The following TMCO6 variants were observed in gnomAD, a reference collection of about 807,000 sequenced individuals.
TMCO6 encodes the protein transmembrane and coiled-coil domains 6.
Under a neutral mutation model 61.8 loss-of-function variants are expected in TMCO6, and 47 were observed. The ratio of observed to expected loss-of-function variants is 0.76; its 90% CI spans 0.60 to 0.97. TMCO6 has a LOEUF of 0.97. Ranked by LOEUF, TMCO6 falls within the 50% of genes least tolerant of loss-of-function variation. TMCO6 has a pLI of 0.00. For synonymous variants in TMCO6, 261 were observed against 254.2 expected (o/e 1.03, Z -0.25); for missense variants, 557 against 601.6 (o/e 0.93, Z 0.78).
chr5:140,634,644 C>T (rs1255052220), upstream of TMCO6, among the ~76,000 whole-genome samples: 1 of 151,940 alleles, frequency 6.6e-6, no homozygotes, highest in Admixed American at 6.6e-5. Flanking sequence ...CACCACCATG[C>T]CCGGCTAATT....
the TMCO6 span, among the ~76,000 whole-genome samples, chr5:140,614,100 C>T: frequency 4.6e-5 from 7 of 152,122 alleles, no homozygotes; most frequent in African/African-American, 1.4e-4. Context: ...AGGGTTTCAC[C>T]GTTTTAGCCA....
chr5:140,646,933 T>G (rs950955194), downstream of TMCO6: 5 of 263,256 alleles, frequency 1.9e-5, no homozygotes, highest in African/African-American at 6.7e-5. Context: ...ACACACTACC[T>G]GGACTGACAC....
chr5:140,617,924 T>C, the TMCO6 span, among the ~76,000 whole-genome samples: 62 of 152,300 alleles, frequency 4.1e-4, no homozygotes, highest in African/African-American at 1.5e-3. Context: ...GCAGCTGTTA[T>C]GCAAAACGGT....
the TMCO6 span, among the ~76,000 whole-genome samples, chr5:140,615,105 C>A: frequency 6.6e-6 from 1 of 152,156 alleles, no homozygotes; most frequent in African/African-American, 2.4e-5. Context: ...AGTAAAGTTG[C>A]AGGATACAAA....
chr5:140,631,961 C>A, the TMCO6 span: 1 of 1,613,616 alleles, frequency 6.2e-7, no homozygotes, highest in Non-Finnish European at 8.5e-7. Context: ...TCATTGAGCC[C>A]TCGTGGGGGA....
chr5:140,603,369 G>A, the TMCO6 span, among the ~76,000 whole-genome samples: 151 of 152,082 alleles, frequency 9.9e-4, no homozygotes, highest in Non-Finnish European at 1.7e-3. Context: ...GTGCAGTGAC[G>A]TGATCTTGGC....
At chr5:140,632,833 A>G in the TMCO6 span, 2 of 1,613,928 alleles carry the variant, frequency 1.2e-6, no homozygotes, top group East Asian at 4.5e-5. The surrounding 1 kb of genome is among the most constrained non-coding windows in gnomAD (Gnocchi z 6.2). Flanking sequence ...GCAGACACAC[A>G]CTGGAAGGCT....
Position 140,641,961 on chromosome 5 carries a change from TCTCA to T in TMCO6, c.410_413del (p.His137ProfsTer29), listed in dbSNP as rs1757066924. 2.5e-6 allele frequency: 4 copies of T among 1,613,912 alleles called. No homozygotes were observed. Among genetic ancestry groups the T allele is most frequent in the Non-Finnish European group, 3.4e-6 (4 of 1,179,910 alleles). On this transcript the variant is annotated frameshift_variant, in exon 4 of 12. Transcript: ENST00000394671. LOFTEE classifies it high-confidence loss of function. Reference sequence around the variant, plus strand: ...GGCGGCTCGGTGCCTGCATGAGCTCTCTCACTCCGAGCAGTCCACTGTTGCTGAG... The same window carrying T: ...GGCGGCTCGGTGCCTGCATGAGCTCTCTCCGAGCAGTCCACTGTTGCTGAG...
At chr5:140,628,626 A>T in the TMCO6 span, among the ~76,000 whole-genome samples, 1 of 152,158 alleles carries the variant, frequency 6.6e-6, no homozygotes, top group Admixed American at 6.5e-5. Context: ...TGCAGTAGAG[A>T]CAGGTTTCAC....
the TMCO6 span, among the ~76,000 whole-genome samples, chr5:140,627,730 CTTT>C: frequency 1.4e-5 from 2 of 143,482 alleles, no homozygotes; most frequent in African/African-American, 2.6e-5. Context: ...TTTTTCTTTT[CTTT>C]TTTTTTTTTG....
At chr5:140,600,051 C>G in the TMCO6 span, among the ~76,000 whole-genome samples, 2,116 of 152,156 alleles carry the variant, frequency 0.014, 58 homozygotes, top group African/African-American at 0.048. Flanking sequence ...GTGGTATGTT[C>G]CATCAGAAAC....
the TMCO6 span, chr5:140,632,649 A>C: frequency 1.2e-6 from 2 of 1,613,706 alleles, no homozygotes; most frequent in South Asian, 2.2e-5. The surrounding 1 kb of genome is among the most constrained non-coding windows in gnomAD (Gnocchi z 6.2). Flanking sequence ...GTACGCTAGC[A>C]CACGCAGGGC....
At chr5:140,644,325 C>A in intron 10 of TMCO6, 131 bp downstream of exon 10, 1 of 1,055,690 alleles carries the variant, frequency 9.5e-7, no homozygotes, top group Non-Finnish European at 1.4e-6. Context: ...CCCAACCAAT[C>A]TAGGTGTGTG....
Position 140,643,054 on chromosome 5 carries a change from T to C in TMCO6, c.806+13T>C. 6.2e-7 allele frequency: 1 copy of C among 1,614,172 alleles called. No individual in the cohort carries two copies. The highest frequency in any genetic ancestry group is 1.1e-5 in the South Asian group (1 of 91,080). On this transcript the variant is annotated intron_variant, in intron 7 of 11. Transcript: ENST00000394671. ...ACATCATCTGCAGGTAACAGGGCAATTGGGAAAGTACCACAGATCTTCCCT... is the reference window on the plus strand; with the variant it reads ...ACATCATCTGCAGGTAACAGGGCAACTGGGAAAGTACCACAGATCTTCCCT...
chr5:140,643,924 A>T lies in TMCO6; in HGVS notation c.1063A>T (p.Ser355Cys). The T allele has an allele frequency of 6.2e-7, 1 of 1,614,198 alleles. No individual in the cohort carries two copies. Among genetic ancestry groups the T allele is most frequent in the Non-Finnish European group, 8.5e-7 (1 of 1,180,022 alleles). ...LLQFFFQKQP[S>C]LLPEGLWLLN... is the part of the protein sequence containing the mutation. ...GCAGTTCTTTTTCCAGAAACAGCCC[A>T]GTCTGCTCCCTGAGGGCCTTTGGCT... is the stretch of plus-strand genomic sequence containing the variant. Residue 355 changes from serine to cysteine, a missense_variant, in exon 9 of 12, where the codon AGT becomes TGT. Ser to Cys is a moderately radical substitution (Grantham distance 112, BLOSUM62 -1). Transcript: ENST00000394671.
At chr5:140,643,131 A>AT (rs1757152193) in intron 7 of TMCO6, 90 bp downstream of exon 7, 1 of 1,568,380 alleles carries the variant, frequency 6.4e-7, no homozygotes, top group Admixed American at 1.8e-5. Context: ...TGGAATTGCT[A>AT]TAGTGAGTTT....
chr5:140,617,606 T>C, the TMCO6 span, among the ~76,000 whole-genome samples: 155 of 151,868 alleles, frequency 1.0e-3, 1 homozygote, highest in African/African-American at 3.5e-3. Flanking sequence ...TGGTGGTGCA[T>C]GCCTGTAGTT....
the TMCO6 span, among the ~76,000 whole-genome samples, chr5:140,603,694 T>G: frequency 2.0e-5 from 3 of 152,036 alleles, no homozygotes; most frequent in Non-Finnish European, 2.9e-5. Context: ...TTTTGCTGTA[T>G]AATATTCCAT....
chr5:140,638,111 G>GC (rs1475556882), upstream of TMCO6, among the ~76,000 whole-genome samples: 6 of 152,346 alleles, frequency 3.9e-5, no homozygotes, highest in East Asian at 1.2e-3. Context: ...TCAGAGGGGT[G>GC]TCTGCTTGGC....
Sources: allele counts gnomAD v4.1 joint callset (sites outside exome capture counted in the v4.1 genomes callset), GRCh38; gene constraint gnomAD v4.1.1; non-coding constraint Gnocchi (gnomAD v3.1); transcripts MANE v1.5; gene names NCBI Gene and HGNC (gene_info 2026-07-23, HGNC 2026-07-21).